Variants in ZNF233 observed in about 807,000 individuals in gnomAD.
The protein encoded by ZNF233 is zinc finger protein 233.
In ZNF233, 7 loss-of-function variants were observed where a neutral mutation model predicts 11.6. The observed-to-expected ratio is 0.60, with a 90% CI of 0.34 to 1.13. ZNF233 has a LOEUF of 1.13. Among genes scored for constraint, ZNF233 ranks in the 50% most tolerant of loss-of-function variants. ZNF233 has a pLI of 0.03. For synonymous variants in ZNF233, 226 were observed against 268.5 expected (o/e 0.84, Z 1.55); for missense variants, 711 against 785.5 (o/e 0.91, Z 1.13).
In ZNF233 at chr19:44,274,631, T is replaced by C. The variant is rs375321862; in HGVS notation, c.1971T>C (p.Phe657=). ...AATGTTTTGTGTGTGGTAAGGGCTT[T>C]AGTAAGAGTTCGTTGTCTTCAGATT... The part of the protein sequence containing the change: ...PYKCFVCGKG[F]SKSSLSSDSS... The change falls in exon 5 of 5, where the codon TTT becomes TTC. Residue 657 remains phenylalanine (F), a synonymous_variant. Transcript: ENST00000683810. 6.3e-7 allele frequency: 1 copy of C among 1,592,880 alleles called. No homozygotes were observed. The highest frequency in any genetic ancestry group is 1.1e-5 in the South Asian group (1 of 90,640).
intron 4 of ZNF233, among the ~76,000 whole-genome samples, chr19:44,271,109 A>G (rs1369342496): frequency 6.6e-6 from 1 of 152,162 alleles, no homozygotes; most frequent in East Asian, 1.9e-4. Flanking sequence ...TAAGTTTTCT[A>G]ATTCTTTTTC....
chr19:44,274,005 G>A lies in ZNF233; in HGVS notation c.1345G>A (p.Glu449Lys). ...SGLHQRVHTGEKPYKCEVCDK... is the reference protein window; with the variant it reads ...SGLHQRVHTGKKPYKCEVCDK... ...TCTTCACCAGAGAGTTCACACTGGA[G>A]AGAAACCATATAAATGTGAGGTATG... is the stretch of plus-strand genomic sequence containing the variant. Residue 449 changes from glutamate (E) to lysine (K), a missense_variant, in exon 5 of 5, where the codon GAG becomes AAG. Transcript: ENST00000683810. 1 of 1,597,636 alleles carries A rather than the reference G, an allele frequency of 6.3e-7. No individual in the cohort carries two copies. The highest frequency in any genetic ancestry group is 2.2e-5 in the East Asian group (1 of 44,868).
At chr19:44,267,351 CTTTTTTT>C in intron 4 of ZNF233, 4 of 377,728 alleles carry the variant, frequency 1.1e-5, no homozygotes, top group Middle Eastern at 6.5e-4. Flanking sequence ...GCCAAGGGTG[CTTTTTTT>C]TTTTTTTTTT....
chr19:44,261,440 A>C (rs563192332), intron 1 of ZNF233, among the ~76,000 whole-genome samples: 6 of 152,126 alleles, frequency 3.9e-5, no homozygotes, highest in African/African-American at 1.4e-4. Context: ...AAAAATTAAA[A>C]AGAGGAAAAG....
rs758979377 is a variant in ZNF233, at chr19:44,275,227, G to A, written c.*554G>A. On this transcript the variant is annotated 3_prime_UTR_variant, in exon 5 of 5. Transcript: ENST00000683810. ...ATTTTAGTGAGCTCAGCCCCAATTC[G>A]TCATTATAATTGTACTGGGAAAAGG... 2 of 281,278 alleles carry A rather than the reference G, an allele frequency of 7.1e-6. No individual in the cohort carries two copies. The highest frequency in any genetic ancestry group is 1.3e-5 in the Non-Finnish European group (2 of 153,564). 17.4% of individuals were successfully genotyped at this position (281,278 alleles called of 1,614,324 possible). A position where few individuals can be genotyped will look rare whatever the true frequency, so the allele number is the denominator to read the frequency against.
chr19:44,274,369 G>A lies in ZNF233; in HGVS notation c.1709G>A (p.Gly570Glu). 4 of 1,611,796 alleles carry A rather than the reference G, an allele frequency of 2.5e-6. No homozygotes were observed. Among genetic ancestry groups the A allele is most frequent in the Non-Finnish European group, 3.4e-6 (4 of 1,179,292 alleles). ...GENPYKCDVCGKGFSWSSHLQ... is the reference protein window; with the variant it reads ...GENPYKCDVCEKGFSWSSHLQ... Reference sequence around the variant, plus strand: ...AATCCCTACAAATGTGATGTGTGTGGGAAAGGCTTCAGTTGGAGTTCACAT... The same window carrying A: ...AATCCCTACAAATGTGATGTGTGTGAGAAAGGCTTCAGTTGGAGTTCACAT... The change falls in exon 5 of 5, where the codon GGG becomes GAG. Residue 570 changes from glycine (G) to glutamate (E), a missense_variant. Coordinates refer to ENST00000683810, the MANE Select transcript of ZNF233 (RefSeq NM_001207005.2).
intron 4 of ZNF233, among the ~76,000 whole-genome samples, chr19:44,268,738 A>G (rs1257480692): frequency 6.6e-6 from 1 of 152,132 alleles, no homozygotes; most frequent in Non-Finnish European, 1.5e-5. Flanking sequence ...CCATACACCC[A>G]GTGACAACCT....
rs764037206 is a variant in ZNF233 at position 44,264,319 on chromosome 19, C to T, written c.-42C>T. The T allele has an allele frequency of 3.1e-5, 50 of 1,609,562 alleles. No homozygotes were observed. The highest frequency in any genetic ancestry group is 3.8e-5 in the Non-Finnish European group (45 of 1,176,470). ...GCTTCTTTCTCTTTTCCCAGTTCTG[C>T]CTTCCCAGGACCCTGCCCTTCCCCA... On this transcript the variant is annotated 5_prime_UTR_variant, in exon 2 of 5. Coordinates refer to ENST00000683810, the MANE Select transcript of ZNF233 (RefSeq NM_001207005.2).
chr19:44,264,254 C>G, intron 1 of ZNF233, 60 bp from the exon 2 acceptor site: 1 of 1,152,662 alleles, frequency 8.7e-7, no homozygotes. Context: ...TTTAAAAATT[C>G]AGCCAGCACA....
At position 44,274,339 on chromosome 19, in the gene ZNF233, G is replaced by C; in HGVS notation, c.1679G>C (p.Gly560Ala). The change falls in exon 5 of 5, where the codon GGA (glycine) becomes GCA (alanine). Residue 560 changes from glycine to alanine, a missense_variant. By Grantham distance (60) the Gly-to-Ala change is moderately conservative (BLOSUM62 0). Coordinates refer to ENST00000683810, the MANE Select transcript of ZNF233 (RefSeq NM_001207005.2). The stretch of plus-strand genomic sequence containing the variant: ...CAAGACCATCAGCAAGTCCATACTG[G>C]AGAGAATCCCTACAAATGTGATGTG... ...HLQDHQQVHT[G>A]ENPYKCDVCG... 6.2e-7 allele frequency: 1 copy of C among 1,614,034 alleles called. No individual in the cohort carries two copies. Among genetic ancestry groups the C allele is most frequent in the African/African-American group, 1.3e-5 (1 of 75,010 alleles).
chr19:44,273,833 C>T lies in ZNF233; in HGVS notation c.1173C>T (p.Asp391=). Residue 391 remains aspartate, a synonymous_variant, in exon 5 of 5, where the codon GAC becomes GAT. Transcript: ENST00000683810. ...TAGATTTTGACATTCACTGTGTAGA[C>T]AGTGCTGGAGAGAGAGCCTGTAAAT... is the stretch of plus-strand genomic sequence containing the variant. ...HSLDFDIHCV[D]SAGERACKCD... is the part of the protein sequence containing the mutation. 1.9e-6 allele frequency: 3 copies of T among 1,614,108 alleles called. No homozygotes were observed. The highest frequency in any genetic ancestry group is 2.5e-6 in the Non-Finnish European group (3 of 1,180,020).
Position 44,273,399 on chromosome 19 carries a change from T to A in ZNF233, c.739T>A (p.Ser247Thr). 2 of 1,614,172 alleles carry A rather than the reference T, an allele frequency of 1.2e-6. No homozygotes were observed. The highest frequency in any genetic ancestry group is 1.7e-6 in the Non-Finnish European group (2 of 1,180,036). Reference sequence around the variant, plus strand: ...TTGTGGAAAAGACTGTGTGAAGGAATCATCCCAGCATAGCATAATCCAATC... The same window carrying A: ...TTGTGGAAAAGACTGTGTGAAGGAAACATCCCAGCATAGCATAATCCAATC... Reference protein sequence around the residue: ...NNCGKDCVKESSQHSIIQSGE... With the variant: ...NNCGKDCVKETSQHSIIQSGE... Residue 247 changes from serine to threonine, a missense_variant, in exon 5 of 5, where the codon TCA becomes ACA. Ser to Thr is a moderately conservative substitution (Grantham distance 58, BLOSUM62 1). Coordinates refer to ENST00000683810, the MANE Select transcript of ZNF233 (RefSeq NM_001207005.2).
chr19:44,266,268 A>G lies in ZNF233; in HGVS notation c.86A>G (p.Gln29Arg), dbSNP rs748184386. 3.7e-6 allele frequency: 6 copies of G among 1,612,582 alleles called. No homozygotes were observed. In the Middle Eastern group the frequency reaches 5.0e-4, roughly 133 times the overall value. The change falls in exon 3 of 5, where the codon CAG becomes CGG. Residue 29 changes from glutamine to arginine, a missense_variant. By Grantham distance (43) the Gln-to-Arg change is conservative. Transcript: ENST00000683810. ...GAGCTGGGGTTGCTGGACCTTGCCCAGAGAAAGCTGTACCAAGATGTGATG... is the reference window on the plus strand; with the variant it reads ...GAGCTGGGGTTGCTGGACCTTGCCCGGAGAAAGCTGTACCAAGATGTGATG... Reference protein sequence around the residue: ...REELGLLDLAQRKLYQDVMLE... With the variant: ...REELGLLDLARRKLYQDVMLE...
chr19:44,270,602 T>C (rs1437426899), intron 4 of ZNF233, among the ~76,000 whole-genome samples: 1 of 152,196 alleles, frequency 6.6e-6, no homozygotes, highest in Non-Finnish European at 1.5e-5. Context: ...TGGGAGCAGC[T>C]TAGCTTAACC....
At position 44,273,963 on chromosome 19, in the gene ZNF233, T is replaced by A; in HGVS notation, c.1303T>A (p.Phe435Ile). 6.2e-7 allele frequency: 1 copy of A among 1,613,634 alleles called. No homozygotes were observed. Among genetic ancestry groups the A allele is most frequent in the African/African-American group, 1.3e-5 (1 of 74,994 alleles). The change falls in exon 5 of 5, where the codon TTT (phenylalanine) becomes ATT (isoleucine). Residue 435 changes from phenylalanine (F) to isoleucine (I), a missense_variant. Coordinates refer to ENST00000683810, the MANE Select transcript of ZNF233 (RefSeq NM_001207005.2). ...CAAATGGGAAGTAAGTGACAGGATA[T>A]TTAATAGGAATTCTGGTCTTCACCA... ...TYKWEVSDRI[F>I]NRNSGLHQRV...
Position 44,274,400 on chromosome 19 carries a change from A to G in ZNF233, c.1740A>G (p.Gln580=), listed in dbSNP as rs747316136. The G allele has an allele frequency of 1.2e-6, 2 of 1,613,438 alleles. No individual in the cohort carries two copies. The highest frequency in any genetic ancestry group is 1.3e-5 in the African/African-American group (1 of 74,634). ...GCTTCAGTTGGAGTTCACATCTTCA[A>G]GCCCATCAGAGAGTCCACACAGGAG... is the stretch of plus-strand genomic sequence containing the variant. The part of the protein sequence containing the change: ...GKGFSWSSHL[Q]AHQRVHTGEK... The change falls in exon 5 of 5, where the codon CAA becomes CAG. Residue 580 remains glutamine (Q), a synonymous_variant. Coordinates refer to ENST00000683810, the MANE Select transcript of ZNF233 (RefSeq NM_001207005.2).
chr19:44,266,899 A>C lies in ZNF233; in HGVS notation c.176A>C (p.Gln59Pro), dbSNP rs1975101273. Reference protein sequence around the residue: ...YQPFKLDVILQLGKEDKLRMM... With the variant: ...YQPFKLDVILPLGKEDKLRMM... Reference sequence around the variant, plus strand: ...CCCTTCAAACTAGATGTGATATTACAGTTGGGAAAAGAAGACAAGCTTCGG... The same window carrying C: ...CCCTTCAAACTAGATGTGATATTACCGTTGGGAAAAGAAGACAAGCTTCGG... The change falls in exon 4 of 5, where the codon CAG becomes CCG. Residue 59 changes from glutamine (Q) to proline (P), a missense_variant. Transcript: ENST00000683810. 1.2e-6 allele frequency: 2 copies of C among 1,614,042 alleles called. No homozygotes were observed. Among genetic ancestry groups the C allele is most frequent in the Middle Eastern group, 1.6e-4 (1 of 6,062 alleles).
intron 4 of ZNF233, among the ~76,000 whole-genome samples, 187 bp from the exon 5 acceptor site, chr19:44,272,712 G>A (rs933222573): frequency 1.3e-5 from 2 of 152,236 alleles, no homozygotes; most frequent in Middle Eastern, 3.4e-3. Context: ...TCCAGCCTGG[G>A]TGACAGAGCG....
chr19:44,268,197 A>G (rs1471889166), intron 4 of ZNF233: 1 of 150,736 alleles, frequency 6.6e-6, no homozygotes, highest in Non-Finnish European at 1.5e-5. Context: ...TAATTAAATT[A>G]AATACCCATC....
Sources: gnomAD v4.1 joint callset for allele counts (sites outside exome capture counted in the v4.1 genomes callset) on GRCh38, gnomAD v4.1.1 for gene constraint, MANE v1.5 for transcripts, NCBI Gene and HGNC (gene_info 2026-07-23, HGNC 2026-07-21) for gene names.